Variants in PARP11 observed in about 807,000 individuals in gnomAD.
PARP11 encodes the protein protein mono-ADP-ribosyltransferase PARP11.
A neutral mutation model predicts 42.9 loss-of-function variants in PARP11; 31 were observed. The ratio of observed to expected loss-of-function variants is 0.72; its 90% CI spans 0.54 to 0.98. The LOEUF is 0.98. Ranked by LOEUF, PARP11 falls within the 50% of genes least tolerant of loss-of-function variation. The pLI, the probability that PARP11 is intolerant of heterozygous loss-of-function variation, is 0.00. For missense variants in PARP11, 365 were observed against 413.1 expected, an observed-to-expected ratio of 0.88 and a Z score of 1.01; for synonymous variants, 137 against 127.3, an observed-to-expected ratio of 1.08 and a Z score of -0.51.
At position 3,812,363 on chromosome 12, in the gene PARP11, T is replaced by C. The variant is rs1032813035; in HGVS notation, c.777A>G (p.Gln259=). 1 of 1,614,052 alleles carries C rather than the reference T, an allele frequency of 6.2e-7. No individual in the cohort carries two copies. Among genetic ancestry groups the C allele is most frequent in the African/African-American group, 1.3e-5 (1 of 74,922 alleles). Residue 259 remains glutamine, a synonymous_variant, in exon 8 of 8, where the codon CAA becomes CAG. Coordinates refer to ENST00000228820, the MANE Select transcript of PARP11 (RefSeq NM_020367.6). ...KDDIKHGNTF[Q]IHGVSLQQRH... ...GCTGTTGCAAGCTGACACCATGAATTTGGAATGTGTTCCCATGCTTTATGT... is the reference window on the plus strand; with the variant it reads ...GCTGTTGCAAGCTGACACCATGAATCTGGAATGTGTTCCCATGCTTTATGT...
chr12:3,845,659 T>C (rs1165424438), intron 1 of PARP11, among the ~76,000 whole-genome samples: 1 of 152,250 alleles, frequency 6.6e-6, no homozygotes, highest in East Asian at 1.9e-4. Flanking sequence ...ACTATTTCTG[T>C]GTACTGTGTT....
intron 1 of PARP11, among the ~76,000 whole-genome samples, chr12:3,831,426 C>T (rs1565537782): frequency 6.6e-6 from 1 of 151,978 alleles, no homozygotes; most frequent in Non-Finnish European, 1.5e-5. Context: ...TTAAAATGTC[C>T]ATCCTATTTT....
chr12:3,823,329 T>A (rs1947443112), intron 4 of PARP11, among the ~76,000 whole-genome samples: 1 of 152,192 alleles, frequency 6.6e-6, no homozygotes, highest in Admixed American at 6.5e-5. Context: ...CTTCCAGAGC[T>A]TCTTTAGGTT....
chr12:3,832,099 T>A (rs762824019), intron 1 of PARP11: 99 of 956,702 alleles, frequency 1.0e-4, no homozygotes, highest in Non-Finnish European at 1.2e-4. Context: ...TGTGCTCCGC[T>A]ATAAAACACC....
intron 1 of PARP11, among the ~76,000 whole-genome samples, chr12:3,853,218 T>G (rs2138098532): frequency 6.6e-6 from 1 of 152,288 alleles, no homozygotes; most frequent in African/African-American, 2.4e-5. Context: ...AGGAAGAAAC[T>G]GCATCAACTA....
intron 2 of PARP11, among the ~76,000 whole-genome samples, chr12:3,829,671 T>A (rs1947597206): frequency 6.6e-6 from 1 of 152,250 alleles, no homozygotes; most frequent in Admixed American, 6.5e-5. Context: ...CTCAGTCACA[T>A]TCACCCTCTA....
Position 3,873,219 on chromosome 12 carries a change from G to A in PARP11, c.11C>T (p.Ala4Val), listed in dbSNP as rs1232777786. MWE[A>V]NPEMFHKAEE... Reference sequence around the variant, plus strand: ...TCCCGCCCGGCTACTCACTGGATTCGCTTCCCACATAACGGTGACAAAATC... The same window carrying A: ...TCCCGCCCGGCTACTCACTGGATTCACTTCCCACATAACGGTGACAAAATC... The change falls in exon 1 of 8, where the codon GCG becomes GTG. Residue 4 changes from alanine (A) to valine (V), a missense_variant. Transcript: ENST00000228820. 3.2e-6 allele frequency: 5 copies of A among 1,547,716 alleles called. No homozygotes were observed. In the Admixed American group the frequency reaches 9.8e-5, roughly 30 times the overall value.
At chr12:3,812,529 T>C (rs770140883) in intron 7 of PARP11, 90 bp from the exon 8 acceptor site, 10 of 825,898 alleles carry the variant, frequency 1.2e-5, no homozygotes, top group South Asian at 7.1e-5. Flanking sequence ...AATAGATGCA[T>C]AGAATTGTAT....
chr12:3,809,744 C>G lies in PARP11; in HGVS notation c.*2379G>C, dbSNP rs931576588. 6.6e-6 allele frequency: 1 copy of G among 152,192 alleles called. No individual in the cohort carries two copies. The highest frequency in any genetic ancestry group is 1.5e-5 in the Non-Finnish European group (1 of 68,018). 9.4% of individuals were successfully genotyped at this position (152,192 alleles called of 1,614,324 possible). A position where few individuals can be genotyped will look rare whatever the true frequency, so the allele number is the denominator to read the frequency against. The stretch of plus-strand genomic sequence containing the variant: ...TTCAAAACCTGAATTCCTAATGTCT[C>G]TAACATTGTTTTTTGTGAACGGGTT... On this transcript the variant is annotated 3_prime_UTR_variant, in exon 8 of 8. Coordinates refer to ENST00000228820, the MANE Select transcript of PARP11 (RefSeq NM_020367.6).
intron 1 of PARP11, among the ~76,000 whole-genome samples, chr12:3,867,333 C>T (rs959331391): frequency 6.6e-6 from 1 of 152,026 alleles, no homozygotes; most frequent in Non-Finnish European, 1.5e-5. Context: ...GAAATGGCAG[C>T]GTTTGCAAGA....
At chr12:3,833,809 A>G (rs1309389163) in intron 1 of PARP11, among the ~76,000 whole-genome samples, 1 of 152,150 alleles carries the variant, frequency 6.6e-6, no homozygotes, top group African/African-American at 2.4e-5. Flanking sequence ...CTGTATTATG[A>G]AGCCTCTACC....
Position 3,840,034 on chromosome 12 carries a change from A to G in PARP11, c.19-10016T>C. 2 of 1,608,354 alleles carry G rather than the reference A, an allele frequency of 1.2e-6. No individual in the cohort carries two copies. The highest frequency in any genetic ancestry group is 1.7e-6 in the Non-Finnish European group (2 of 1,174,648). On this transcript the variant is annotated intron_variant, in intron 1 of 7. Coordinates refer to ENST00000228820, the MANE Select transcript of PARP11 (RefSeq NM_020367.6). This position sits in a 1 kb window ranked among gnomAD's most constrained non-coding sequence, Gnocchi z 4.4. ...GAACTCTACTAGCCTGCCTTTGGCT[A>G]GAAAGGTTCTTAAGTCACTCAATCC...
At chr12:3,822,287 C>T (rs1241876073) in intron 4 of PARP11, 130 bp from the exon 5 acceptor site, 8 of 710,458 alleles carry the variant, frequency 1.1e-5, no homozygotes, top group South Asian at 9.2e-5. Context: ...TACAGCCTTC[C>T]GTTTCTTCAT....
At chr12:3,873,155 GC>G in intron 1 of PARP11, 56 bp downstream of exon 1, 1 of 1,022,466 alleles carries the variant, frequency 9.8e-7, no homozygotes, top group Non-Finnish European at 1.5e-6. Context: ...ACCCCCTCCC[GC>G]CCCTCTCTCA....
chr12:3,827,621 C>T (rs1487507545), intron 3 of PARP11, among the ~76,000 whole-genome samples: 1 of 151,848 alleles, frequency 6.6e-6, no homozygotes, highest in Non-Finnish European at 1.5e-5. Context: ...AAAAAAATGG[C>T]TTGTCACGAG....
At chr12:3,859,296 G>A (rs779011374) in intron 1 of PARP11, among the ~76,000 whole-genome samples, 3 of 152,040 alleles carry the variant, frequency 2.0e-5, no homozygotes, top group African/African-American at 7.2e-5. Flanking sequence ...CCGGTGCAGT[G>A]GCTCACGTCT....
rs1336623412 is a variant in PARP11, at chr12:3,814,047, GAC to G, written c.688_689del (p.Val230LeufsTer9). On this transcript the variant is annotated frameshift_variant, in exon 7 of 8. Coordinates refer to ENST00000228820, the MANE Select transcript of PARP11 (RefSeq NM_020367.6). LOFTEE classifies it high-confidence loss of function. ...AATTCTGATAATTACCTTTTCCAAA[GAC>G]AGCACCATGTATACCATTTATTCTC... ...DWRINGIHGA[V>X]FGKGTYFARD... 6.4e-7 allele frequency: 1 copy of G among 1,556,098 alleles called. No homozygotes were observed. The highest frequency in any genetic ancestry group is 8.7e-7 in the Non-Finnish European group (1 of 1,144,742).
At chr12:3,822,062 T>C in intron 5 of PARP11, 23 bp downstream of exon 5, 1 of 1,612,096 alleles carries the variant, frequency 6.2e-7, no homozygotes. Flanking sequence ...TTCATGGGTA[T>C]ATTCAGTCAA....
chr12:3,847,075 GGAAGAAA>G (rs1341648525), intron 1 of PARP11, among the ~76,000 whole-genome samples: 1 of 151,710 alleles, frequency 6.6e-6, no homozygotes, highest in Non-Finnish European at 1.5e-5. Context: ...AGATCCTGTA[GGAAGAAA>G]GAAAAAGAAA....
Sources: gnomAD v4.1 joint callset for allele counts (sites outside exome capture counted in the v4.1 genomes callset) on GRCh38, gnomAD v4.1.1 for gene constraint, Gnocchi (gnomAD v3.1) non-coding constraint, MANE v1.5 for transcripts, NCBI Gene and HGNC (gene_info 2026-07-23, HGNC 2026-07-21) for gene names.